Variants in CCNE1 observed in about 807,000 individuals in gnomAD.
CCNE1 encodes cyclin E1.
A neutral mutation model predicts 54.1 loss-of-function variants in CCNE1; 8 were observed. The ratio of observed to expected loss-of-function variants is 0.15; its 90% CI spans 0.09 to 0.27. CCNE1 has a LOEUF of 0.27. Among genes scored for constraint, CCNE1 ranks in the 10% least tolerant of loss-of-function variants. The pLI is 1.00. For synonymous variants in CCNE1, 179 were observed against 185.2 expected (o/e 0.97, Z 0.27); for missense variants, 430 against 514.9 (o/e 0.84, Z 1.60).
chr19:29,818,039 T>C (rs1974067361), intron 6 of CCNE1, among the ~76,000 whole-genome samples: 1 of 149,940 alleles, frequency 6.7e-6, no homozygotes, highest in Non-Finnish European at 1.5e-5. Context: ...TTTTTTTTTT[T>C]TTTTTGAGAC....
intron 6 of CCNE1, among the ~76,000 whole-genome samples, chr19:29,820,239 G>A (rs1431843214): frequency 6.6e-6 from 1 of 152,144 alleles, no homozygotes; most frequent in Non-Finnish European, 1.5e-5. Flanking sequence ...AGGCCAGAAG[G>A]GCCCCTCATT....
Position 29,823,921 on chromosome 19 carries a change from C to A in CCNE1, c.*144C>A. On this transcript the variant is annotated 3_prime_UTR_variant, in exon 12 of 12. Transcript: ENST00000262643. ...ACAACAGAAGTATTTCTGTGGATGG[C>A]ATCAAACAGGGCAAAGTGTTTTTTA... 1 of 941,498 alleles carries A rather than the reference C, an allele frequency of 1.1e-6. No homozygotes were observed. The highest frequency in any genetic ancestry group is 1.5e-6 in the Non-Finnish European group (1 of 658,514). 58.3% of individuals were successfully genotyped at this position (941,498 alleles called of 1,614,324 possible).
intron 2 of CCNE1, 33 bp downstream of exon 2, chr19:29,812,611 G>T: frequency 6.5e-7 from 1 of 1,539,880 alleles, no homozygotes; most frequent in Non-Finnish European, 8.7e-7. Context: ...CGGACGGGAC[G>T]GGACGGGACG....
chr19:29,821,311 C>A (rs1974140335), intron 7 of CCNE1, among the ~76,000 whole-genome samples: 1 of 152,134 alleles, frequency 6.6e-6, no homozygotes, highest in African/African-American at 2.4e-5. Context: ...TGCTGGAGCC[C>A]AGGTGGCCGA....
chr19:29,817,494 C>T lies in CCNE1; in HGVS notation c.415C>T (p.Leu139Phe). ...TCAGCACTTTCTTGAGCAACACCCT[C>T]TTCTGCAGCCAAAAATGCGAGCAAT... is the stretch of plus-strand genomic sequence containing the variant. ...RDQHFLEQHP[L>F]LQPKMRAILL... is the part of the protein sequence containing the mutation. Residue 139 changes from leucine to phenylalanine, a missense_variant, in exon 6 of 12, where the codon CTT becomes TTT. Physicochemically the swap from Leu to Phe is conservative, Grantham distance 22. Coordinates refer to ENST00000262643, the MANE Select transcript of CCNE1 (RefSeq NM_001238.4). The T allele has an allele frequency of 6.2e-7, 1 of 1,614,234 alleles. No homozygotes were observed.
chr19:29,813,182 G>A, intron 4 of CCNE1, 145 bp downstream of exon 4: 1 of 684,872 alleles, frequency 1.5e-6, no homozygotes, highest in Admixed American at 2.6e-5. Flanking sequence ...GCCCAGCACT[G>A]TACCTGTCAG....
Position 29,822,046 on chromosome 19 carries a change from A to T in CCNE1, c.756A>T (p.Val252=). Residue 252 remains valine, a synonymous_variant, in exon 9 of 12, where the codon GTA becomes GTT. Transcript: ENST00000262643. ...SPLTIVSWLN[V]YMQVAYLNDL... ...TGACTATTGTGTCCTGGCTGAATGT[A>T]TACATGCAGGTTGCATATCTAAATG... The T allele has an allele frequency of 1.2e-6, 2 of 1,613,924 alleles. No homozygotes were observed. The highest frequency in any genetic ancestry group is 1.7e-6 in the Non-Finnish European group (2 of 1,179,790).
Position 29,816,924 on chromosome 19 carries a change from GTTTTAC to G in CCNE1, c.181-207_181-202del, listed in dbSNP as rs774858713. ...TGTAAATATTTTTATTGACAGTTCT[GTTTTAC>G]TTTTAAGAAATTTTAGTAGATGCAT... On this transcript the variant is annotated intron_variant, in intron 4 of 11. Coordinates refer to ENST00000262643, the MANE Select transcript of CCNE1 (RefSeq NM_001238.4). 6.4e-5 allele frequency among the ~76,000 whole-genome samples: 9 copies of G among 141,610 alleles called. No homozygotes were observed. In the South Asian group the frequency reaches 1.1e-3, roughly 18 times the overall value. The allele number at this position is 141,610 out of a possible 152,430, so 92.9% of individuals were successfully genotyped here. A position where few individuals can be genotyped will look rare whatever the true frequency, so the allele number is the denominator to read the frequency against.
intron 8 of CCNE1, 21 bp downstream of exon 8, chr19:29,821,838 C>T (rs201899472): frequency 1.1e-5 from 18 of 1,583,682 alleles, no homozygotes; most frequent in Middle Eastern, 3.3e-4. Flanking sequence ...GTGAATTTTC[C>T]GGCCATTTTT....
At chr19:29,818,255 T>G (rs1265528709) in intron 6 of CCNE1, among the ~76,000 whole-genome samples, 3 of 152,182 alleles carry the variant, frequency 2.0e-5, no homozygotes, top group Non-Finnish European at 4.4e-5. Flanking sequence ...CTCGATCTCC[T>G]GACCTCGTGG....
intron 11 of CCNE1, among the ~76,000 whole-genome samples, chr19:29,822,836 C>T (rs985133406): frequency 2.0e-5 from 3 of 151,630 alleles, no homozygotes; most frequent in African/African-American, 7.3e-5. Flanking sequence ...CCCAGCTACT[C>T]GAGAGGCTAA....
At chr19:29,812,808 C>CA (rs1555724898) in intron 3 of CCNE1, 32 bp downstream of exon 3, 1 of 1,451,746 alleles carries the variant, frequency 6.9e-7, no homozygotes. Flanking sequence ...TGGGGAGCAT[C>CA]CCCCCCATCT....
Position 29,812,669 on chromosome 19 carries a change from G to C in CCNE1, c.24-20G>C. The C allele has an allele frequency of 6.4e-7, 1 of 1,574,530 alleles. No homozygotes were observed. Among genetic ancestry groups the C allele is most frequent in the Non-Finnish European group, 8.6e-7 (1 of 1,161,788 alleles). ...GCGGCCGCGGGTGCTCACCCGGCCC[G>C]GTGCCACCCGGGTCCACAGGGATGC... On this transcript the variant is annotated intron_variant, in intron 2 of 11. Coordinates refer to ENST00000262643, the MANE Select transcript of CCNE1 (RefSeq NM_001238.4).
At chr19:29,822,751 C>T in intron 11 of CCNE1, 148 bp downstream of exon 11, 1 of 711,072 alleles carries the variant, frequency 1.4e-6, no homozygotes, top group Non-Finnish European at 2.3e-6. Flanking sequence ...CAAGACCAGC[C>T]TGGCCAACAT....
intron 6 of CCNE1, among the ~76,000 whole-genome samples, chr19:29,819,893 G>T (rs966776175): frequency 6.6e-6 from 1 of 152,216 alleles, no homozygotes; most frequent in African/African-American, 2.4e-5. Context: ...ATCCTCGGGG[G>T]TACATCCCAA....
chr19:29,822,606 C>T lies in CCNE1; in HGVS notation c.1110+3C>T. The stretch of plus-strand genomic sequence containing the variant: ...ACAGAGACAGCTTGGATTTGCTGGT[C>T]AGTGCTGCTCCTTCTTTCAGTCCTT... On this transcript the variant is annotated splice_donor_region_variant and intron_variant, in intron 11 of 11. Coordinates refer to ENST00000262643, the MANE Select transcript of CCNE1 (RefSeq NM_001238.4). 6.3e-7 allele frequency: 1 copy of T among 1,588,088 alleles called. No homozygotes were observed. The highest frequency in any genetic ancestry group is 8.6e-7 in the Non-Finnish European group (1 of 1,165,076).
chr19:29,813,116 T>C, intron 4 of CCNE1, 79 bp downstream of exon 4: 3 of 1,287,036 alleles, frequency 2.3e-6, no homozygotes, highest in Non-Finnish European at 3.4e-6. Context: ...GTCTTGTCTC[T>C]TGCTGGAGAC....
chr19:29,817,815 A>G (rs960643183), intron 6 of CCNE1, among the ~76,000 whole-genome samples: 2 of 150,446 alleles, frequency 1.3e-5, no homozygotes, highest in Non-Finnish European at 3.0e-5. Flanking sequence ...GTAAATTGTA[A>G]CTGTTAACAT....
chr19:29,817,830 G>A (rs1354620343), intron 6 of CCNE1, among the ~76,000 whole-genome samples: 1 of 144,308 alleles, frequency 6.9e-6, no homozygotes, highest in Non-Finnish European at 1.5e-5. Flanking sequence ...TAACATTTGA[G>A]CTTTGTTCAT....
Sources: gnomAD v4.1 joint callset for allele counts (sites outside exome capture counted in the v4.1 genomes callset) on GRCh38, gnomAD v4.1.1 for gene constraint, MANE v1.5 for transcripts, NCBI Gene and HGNC (gene_info 2026-07-23, HGNC 2026-07-21) for gene names.